Variants in KDSR observed in about 807,000 individuals in gnomAD.
KDSR encodes 3-dehydrosphinganine reductase.
KDSR carries 23 observed loss-of-function variants against 41.3 expected under a neutral mutation model. The observed-to-expected ratio is 0.56, with a 90% CI of 0.40 to 0.79. KDSR has a LOEUF of 0.79. KDSR is among the 30% of genes least tolerant of loss of function. The pLI is 0.00. For synonymous variants in KDSR, 138 were observed against 151.7 expected (o/e 0.91, Z 0.66); for missense variants, 351 against 416.8 (o/e 0.84, Z 1.37).
intron 8 of KDSR, among the ~76,000 whole-genome samples, chr18:63,336,714 AC>A (rs1914169649): frequency 6.6e-6 from 1 of 152,190 alleles, no homozygotes; most frequent in African/African-American, 2.4e-5. Flanking sequence ...AGAGAACAAA[AC>A]ATTCATTGAT....
chr18:63,364,234 T>C (rs1051677661), intron 1 of KDSR, among the ~76,000 whole-genome samples: 2 of 152,062 alleles, frequency 1.3e-5, no homozygotes, highest in African/African-American at 4.8e-5. Context: ...TTCAGCACTG[T>C]ATTTCTTCTT....
In KDSR at chr18:63,331,843, C is replaced by T. The variant is rs1441785954; in HGVS notation, c.938G>A (p.Ser313Asn). 14 of 1,613,746 alleles carry T rather than the reference C, an allele frequency of 8.7e-6. No homozygotes were observed. In the Admixed American group the frequency reaches 2.2e-4, roughly 25 times the overall value. ...IALFYLGSFD[S>N]IVRRCMMQRE... Reference sequence around the variant, plus strand: ...CTGCATCATGCAGCGACGAACTATGCTGTCAAAACTTCCAAGGTAAAACAA... The same window carrying T: ...CTGCATCATGCAGCGACGAACTATGTTGTCAAAACTTCCAAGGTAAAACAA... Residue 313 changes from serine (S) to asparagine (N), a missense_variant, in exon 10 of 10, where the codon AGC becomes AAC. By Grantham distance (46) the Ser-to-Asn change is conservative. Transcript: ENST00000645214.
chr18:63,343,011 C>T (rs141740511), intron 7 of KDSR, among the ~76,000 whole-genome samples: 4 of 152,226 alleles, frequency 2.6e-5, no homozygotes, highest in East Asian at 3.9e-4. Flanking sequence ...GCTCCGACCA[C>T]GTAAGACGTA....
chr18:63,345,568 G>A (rs909264957), intron 6 of KDSR: 1 of 152,202 alleles, frequency 6.6e-6, no homozygotes, highest in Admixed American at 6.5e-5. Flanking sequence ...GCAGCTGATA[G>A]ATCAGCCACT....
intron 2 of KDSR, among the ~76,000 whole-genome samples, chr18:63,361,537 C>T (rs1241669182): frequency 6.6e-6 from 1 of 152,122 alleles, no homozygotes; most frequent in African/African-American, 2.4e-5. Flanking sequence ...GACGTCCAGG[C>T]CAGGTGTGGT....
At position 63,344,230 on chromosome 18, in the gene KDSR, A is replaced by G. The variant is rs551038728; in HGVS notation, c.693+180T>C. On this transcript the variant is annotated intron_variant, in intron 7 of 9. Coordinates refer to ENST00000645214, the MANE Select transcript of KDSR (RefSeq NM_002035.4). ...AACTTTAAGAAAATAAAGTGAGGGA[A>G]AAGAGGAAGGAAAGAAGGAATATTT... 2.1e-5 allele frequency: 11 copies of G among 528,672 alleles called. No homozygotes were observed. The East Asian group carries it at 3.4e-4, about 16-fold the overall frequency. The allele number at this position is 528,672 out of a possible 1,614,324, so 32.7% of individuals were successfully genotyped here.
At chr18:63,353,478 A>G (rs1050536508) in intron 5 of KDSR, among the ~76,000 whole-genome samples, 3 of 152,166 alleles carry the variant, frequency 2.0e-5, no homozygotes, top group Non-Finnish European at 4.4e-5. Context: ...AAAAGGCTCC[A>G]GCTGCAAGAG....
Position 63,328,675 on chromosome 18 carries a change from A to G in KDSR, c.*3107T>C, listed in dbSNP as rs1156406087. On this transcript the variant is annotated 3_prime_UTR_variant, in exon 10 of 10. Transcript: ENST00000645214. ...ACGCCCGGCCCAGAGAAAGATTTAT[A>G]ACTAAATATATAGAAAAGAATAATT... 1 of 172,144 alleles carries G rather than the reference A, an allele frequency of 5.8e-6. No individual in the cohort carries two copies. Among genetic ancestry groups the G allele is most frequent in the Non-Finnish European group, 1.3e-5 (1 of 79,344 alleles). The allele number at this position is 172,144 out of a possible 1,614,324, so 10.7% of individuals were successfully genotyped here.
At chr18:63,359,473 T>C (rs1461997521) in intron 3 of KDSR, 1 of 366,582 alleles carries the variant, frequency 2.7e-6, no homozygotes, top group Non-Finnish European at 4.9e-6. Flanking sequence ...ATAAAGTTCA[T>C]TAAAAAAAAA....
At chr18:63,340,547 C>A (rs1322784222) in intron 7 of KDSR, among the ~76,000 whole-genome samples, 1 of 152,188 alleles carries the variant, frequency 6.6e-6, no homozygotes, top group African/African-American at 2.4e-5. Context: ...TTTCTTCCCG[C>A]TTCACCTATT....
intron 5 of KDSR, among the ~76,000 whole-genome samples, chr18:63,354,161 T>G (rs1389055868): frequency 6.6e-6 from 1 of 152,018 alleles, no homozygotes; most frequent in Non-Finnish European, 1.5e-5. Context: ...AAAGTCTGTC[T>G]AGACGGCGCA....
chr18:63,334,972 G>A (rs1324795525), intron 9 of KDSR, among the ~76,000 whole-genome samples: 1 of 152,120 alleles, frequency 6.6e-6, no homozygotes, highest in Non-Finnish European at 1.5e-5. Flanking sequence ...TGGTTCTTAG[G>A]TGAAAATCCA....
At chr18:63,354,446 T>C (rs917188866) in intron 5 of KDSR, among the ~76,000 whole-genome samples, 1 of 152,212 alleles carries the variant, frequency 6.6e-6, no homozygotes, top group African/African-American at 2.4e-5. Context: ...GGTGGGCCAG[T>C]CACCTGAGGT....
chr18:63,349,224 A>G (rs559238804), intron 6 of KDSR, among the ~76,000 whole-genome samples: 3 of 152,182 alleles, frequency 2.0e-5, no homozygotes, highest in Admixed American at 2.0e-4. Flanking sequence ...TCTACAAAAA[A>G]TTTTAAAAAT....
At position 63,330,935 on chromosome 18, in the gene KDSR, C is replaced by T. The variant is rs185131595; in HGVS notation, c.*847G>A. 941 of 229,274 alleles carry T rather than the reference C, an allele frequency of 4.1e-3. 2 individuals carry two copies. Among genetic ancestry groups the T allele is most frequent in the Non-Finnish European group, 6.6e-3 (758 of 115,534 alleles). 14.2% of individuals were successfully genotyped at this position (229,274 alleles called of 1,614,324 possible). On this transcript the variant is annotated 3_prime_UTR_variant, in exon 10 of 10. Coordinates refer to ENST00000645214, the MANE Select transcript of KDSR (RefSeq NM_002035.4). ...CAGGTCATCATGGTTATTGAAGGAA[C>T]TGTAAATTCTTAAGCTTCTAGATTT...
Position 63,344,414 on chromosome 18 carries a change from G to A in KDSR, c.689C>T (p.Thr230Ile), listed in dbSNP as rs975190741. 2 of 1,611,198 alleles carry A rather than the reference G, an allele frequency of 1.2e-6. No homozygotes were observed. The highest frequency in any genetic ancestry group is 1.1e-5 in the South Asian group (1 of 91,018). The change falls in exon 7 of 10, where the codon ACA becomes ATA. Residue 230 changes from threonine to isoleucine, a missense_variant. Transcript: ENST00000645214. ...DTPGFAEENR[T>I]KPLETRLISE... ...TGGGACATGTAGGATACTGACCTTT[G>A]TTCTGTTTTCTTCGGCAAAGCCAGG... is the stretch of plus-strand genomic sequence containing the variant.
chr18:63,337,094 T>TATATATATATATATA (rs1568275938), intron 8 of KDSR, among the ~76,000 whole-genome samples: 1 of 38,702 alleles, frequency 2.6e-5, no homozygotes, highest in African/African-American at 6.6e-5. Context: ...ATATGTGACT[T>TATATATATATATATA]TATATATATA....
chr18:63,359,628 G>A (rs1914906118), intron 3 of KDSR, 108 bp downstream of exon 3: 5 of 748,552 alleles, frequency 6.7e-6, no homozygotes, highest in African/African-American at 1.7e-5. Context: ...TTAAAAAACA[G>A]TACATATATG....
chr18:63,359,061 C>T (rs56316154), intron 3 of KDSR, among the ~76,000 whole-genome samples: 1 of 149,002 alleles, frequency 6.7e-6, no homozygotes, highest in Non-Finnish European at 1.5e-5. Flanking sequence ...TGTCTATAAT[C>T]TCAGCTACTA....
Sources: gnomAD v4.1 joint callset for allele counts (sites outside exome capture counted in the v4.1 genomes callset) on GRCh38, gnomAD v4.1.1 for gene constraint, MANE v1.5 for transcripts, NCBI Gene and HGNC (gene_info 2026-07-23, HGNC 2026-07-21) for gene names.